The following THSD4 variants were observed in gnomAD, a reference collection of about 807,000 sequenced individuals.
THSD4 encodes thrombospondin type-1 domain-containing protein 4.
THSD4 carries 69 observed loss-of-function variants against 119.0 expected under a neutral mutation model. That is an observed-to-expected ratio of 0.58 (90% CI 0.48 to 0.71). THSD4 has a LOEUF of 0.71. THSD4 is among the 30% of genes least tolerant of loss of function. The pLI, the probability that THSD4 is intolerant of heterozygous loss-of-function variation, is 0.00. For synonymous variants in THSD4, 524 were observed against 540.4 expected, an observed-to-expected ratio of 0.97 and a Z score of 0.42; for missense variants, 1,393 against 1,391.1, an observed-to-expected ratio of 1.00 and a Z score of -0.02.
At chr15:71,479,674 G>A (rs888976654) in intron 7 of THSD4, among the ~76,000 whole-genome samples, 1 of 152,244 alleles carries the variant, frequency 6.6e-6, no homozygotes, top group East Asian at 1.9e-4. Flanking sequence ...GCATACTTCA[G>A]CTTTTAGTTG....
rs539857561 is a variant in THSD4, at chr15:71,170,105, C to T, written c.99+15173C>T. Among the ~76,000 whole-genome samples, 7 of 145,374 alleles carry T rather than the reference C, an allele frequency of 4.8e-5. No individual in the cohort carries two copies. The South Asian group carries it at 6.6e-4, about 14-fold the overall frequency. ...GGGAGAATCTCTTGAACCCAGGAGG[C>T]GGAAGTTGCAGTGAGCCGAGATCTC... On this transcript the variant is annotated intron_variant, in intron 3 of 17. Transcript: ENST00000261862.
intron 8 of THSD4, among the ~76,000 whole-genome samples, chr15:71,661,555 C>A (rs1413971410): frequency 2.0e-5 from 3 of 151,858 alleles, no homozygotes; most frequent in African/African-American, 7.3e-5. Flanking sequence ...ACCAACACAC[C>A]CAGTTAATTT....
intron 7 of THSD4, among the ~76,000 whole-genome samples, chr15:71,655,689 CAA>C (rs1425299887): frequency 2.0e-5 from 3 of 152,080 alleles, no homozygotes; most frequent in Non-Finnish European, 4.4e-5. Flanking sequence ...TCAAAATGTC[CAA>C]AGATACAGCA....
chr15:71,169,908 T>C (rs1273030193), intron 3 of THSD4, among the ~76,000 whole-genome samples: 2 of 152,044 alleles, frequency 1.3e-5, no homozygotes, highest in Non-Finnish European at 2.9e-5. Flanking sequence ...GCATGGTGGC[T>C]CAAGCCTGTA....
chr15:71,280,342 A>G (rs909299522), intron 6 of THSD4, among the ~76,000 whole-genome samples: 1 of 152,156 alleles, frequency 6.6e-6, no homozygotes. Flanking sequence ...GTGAGGAGTT[A>G]TTGGGGTTTG....
At chr15:71,511,841 A>G (rs2048288633) in intron 7 of THSD4, among the ~76,000 whole-genome samples, 1 of 152,240 alleles carries the variant, frequency 6.6e-6, no homozygotes, top group African/African-American at 2.4e-5. Context: ...AGCATCGATA[A>G]GAAAAGCTTG....
intron 6 of THSD4, among the ~76,000 whole-genome samples, chr15:71,397,631 ATT>A (rs1345819108): frequency 1.3e-5 from 2 of 152,238 alleles, no homozygotes; most frequent in Non-Finnish European, 2.9e-5. Flanking sequence ...GAGGGTGAGC[ATT>A]TGCTTAGGGA....
intron 4 of THSD4, among the ~76,000 whole-genome samples, chr15:71,217,254 A>G (rs1349945909): frequency 2.0e-5 from 3 of 152,176 alleles, no homozygotes; most frequent in East Asian, 1.9e-4. Flanking sequence ...TATTTCTGCA[A>G]TGAAACATAT....
At chr15:71,309,035 C>T (rs1356138235) in intron 6 of THSD4, among the ~76,000 whole-genome samples, 1 of 152,172 alleles carries the variant, frequency 6.6e-6, no homozygotes, top group Non-Finnish European at 1.5e-5. Flanking sequence ...CTGCAACTTC[C>T]GCCTCCCAGG....
At chr15:71,385,922 A>G (rs934443569) in intron 6 of THSD4, among the ~76,000 whole-genome samples, 1 of 152,200 alleles carries the variant, frequency 6.6e-6, no homozygotes, top group East Asian at 1.9e-4. Flanking sequence ...ACAACAATTT[A>G]TCAGTAGAAC....
chr15:71,307,668 C>G (rs1232407921), intron 6 of THSD4, among the ~76,000 whole-genome samples: 3 of 152,144 alleles, frequency 2.0e-5, no homozygotes, highest in Non-Finnish European at 4.4e-5. Flanking sequence ...ACTTGGGAGG[C>G]TGAGGCAGAG....
intron 6 of THSD4, among the ~76,000 whole-genome samples, chr15:71,275,247 C>T (rs1381542666): frequency 1.3e-5 from 2 of 152,030 alleles, no homozygotes; most frequent in African/African-American, 4.8e-5. Flanking sequence ...GAATTTCTCC[C>T]TCCATGCATC....
At chr15:71,550,747 A>G (rs534395164) in intron 7 of THSD4, among the ~76,000 whole-genome samples, 4 of 152,318 alleles carry the variant, frequency 2.6e-5, no homozygotes, top group South Asian at 2.1e-4. Flanking sequence ...TTGACGGTAC[A>G]GTATGGCAAA....
intron 15 of THSD4, among the ~76,000 whole-genome samples, chr15:71,763,002 C>A (rs893838346): frequency 6.6e-6 from 1 of 152,114 alleles, no homozygotes; most frequent in East Asian, 1.9e-4. Flanking sequence ...ACCTGGGAGG[C>A]AGAGGTTGCA....
intron 3 of THSD4, among the ~76,000 whole-genome samples, chr15:71,166,203 C>G (rs934839110): frequency 6.6e-6 from 1 of 151,986 alleles, no homozygotes; most frequent in African/African-American, 2.4e-5. Flanking sequence ...CTTGGTTGTT[C>G]CTTTAGGCCT....
At chr15:71,532,699 A>T (rs1409978861) in intron 7 of THSD4, among the ~76,000 whole-genome samples, 4 of 152,194 alleles carry the variant, frequency 2.6e-5, no homozygotes, top group Non-Finnish European at 5.9e-5. Context: ...GGCTGTTTAT[A>T]ATATAGATGT....
intron 7 of THSD4, among the ~76,000 whole-genome samples, chr15:71,542,158 A>G (rs972791909): frequency 1.3e-5 from 2 of 152,260 alleles, no homozygotes; most frequent in African/African-American, 2.4e-5. Context: ...GAAAATCACC[A>G]TTAGAACACT....
chr15:71,633,638 A>G (rs1278768497), intron 7 of THSD4, among the ~76,000 whole-genome samples: 1 of 152,198 alleles, frequency 6.6e-6, no homozygotes, highest in Non-Finnish European at 1.5e-5. Context: ...TCAAATGGAT[A>G]TTTGTATAAA....
intron 7 of THSD4, among the ~76,000 whole-genome samples, chr15:71,461,805 T>C (rs2047431785): frequency 6.6e-6 from 1 of 151,928 alleles, no homozygotes; most frequent in Non-Finnish European, 1.5e-5. Context: ...TTTTTTTTTT[T>C]TTCTTCTCTA....
Sources: gnomAD v4.1 joint callset for allele counts (sites outside exome capture counted in the v4.1 genomes callset) on GRCh38, gnomAD v4.1.1 for gene constraint, MANE v1.5 for transcripts, NCBI Gene and HGNC (gene_info 2026-07-23, HGNC 2026-07-21) for gene names.